Variants in KIAA1328 observed in about 807,000 individuals in gnomAD.
The protein encoded by KIAA1328 is KIAA1328.
A neutral mutation model predicts 68.1 loss-of-function variants in KIAA1328; 52 were observed. That is an observed-to-expected ratio of 0.76 (90% CI 0.61 to 0.96). The LOEUF (loss-of-function observed/expected upper bound fraction) is 0.96, where lower values mean the gene tolerates loss of function less well. KIAA1328 is among the 40% of genes least tolerant of loss of function. The pLI is 0.00. For synonymous variants in KIAA1328, 232 were observed against 239.4 expected (o/e 0.97, Z 0.28); for missense variants, 641 against 677.6 (o/e 0.95, Z 0.60).
chr18:37,105,520 AAG>A (rs1265383245), intron 7 of KIAA1328, among the ~76,000 whole-genome samples: 4 of 151,422 alleles, frequency 2.6e-5, no homozygotes, highest in Admixed American at 6.6e-5. Context: ...AAAAAAAAAA[AAG>A]AGCACTACTG....
intron 8 of KIAA1328, among the ~76,000 whole-genome samples, chr18:37,161,375 G>A (rs769851120): frequency 2.6e-5 from 4 of 152,146 alleles, no homozygotes; most frequent in Non-Finnish European, 5.9e-5. Flanking sequence ...GATTAATCTA[G>A]AAATTGTTTA....
chr18:37,197,683 C>T (rs2060029836), intron 9 of KIAA1328, among the ~76,000 whole-genome samples: 1 of 152,110 alleles, frequency 6.6e-6, no homozygotes, highest in African/African-American at 2.4e-5. Context: ...TCTAAAGAAG[C>T]TTAATGGCCC....
At chr18:37,102,165 T>A (rs988719582) in intron 7 of KIAA1328, among the ~76,000 whole-genome samples, 1 of 152,106 alleles carries the variant, frequency 6.6e-6, no homozygotes, top group Non-Finnish European at 1.5e-5. Flanking sequence ...CATGATCAAG[T>A]GGGGTTTATG....
chr18:37,104,559 G>T (rs1476568149), intron 7 of KIAA1328, among the ~76,000 whole-genome samples: 2 of 152,202 alleles, frequency 1.3e-5, no homozygotes, highest in Non-Finnish European at 2.9e-5. Flanking sequence ...ACACACAGAT[G>T]GAAGGAATAA....
At chr18:37,014,856 T>C (rs2054096636) in intron 6 of KIAA1328, among the ~76,000 whole-genome samples, 2 of 152,200 alleles carry the variant, frequency 1.3e-5, no homozygotes, top group African/African-American at 2.4e-5. Context: ...TATCAGATTC[T>C]TACAGTTTGA....
chr18:36,977,896 G>A (rs2151355929), intron 6 of KIAA1328, among the ~76,000 whole-genome samples: 1 of 152,038 alleles, frequency 6.6e-6, no homozygotes, highest in Non-Finnish European at 1.5e-5. Flanking sequence ...AGATTCTCAT[G>A]TCTCAGCCTT....
intron 7 of KIAA1328, among the ~76,000 whole-genome samples, chr18:37,079,332 G>A (rs2056864727): frequency 8.6e-6 from 1 of 115,624 alleles, no homozygotes; most frequent in Non-Finnish European, 1.7e-5. Context: ...GCCTGTTGTG[G>A]GGTGGGGGGA....
At chr18:37,084,199 A>G (rs1395849235) in intron 7 of KIAA1328, 2 of 1,526,758 alleles carry the variant, frequency 1.3e-6, no homozygotes, top group East Asian at 2.5e-5. Context: ...CAAGAACTCA[A>G]ACTGGATATG....
chr18:37,179,444 G>T (rs747266128), intron 9 of KIAA1328, among the ~76,000 whole-genome samples: 4 of 152,016 alleles, frequency 2.6e-5, no homozygotes, highest in Non-Finnish European at 4.4e-5. Context: ...TTAAAACCTT[G>T]CTTTGCTGTC....
At chr18:37,025,400 C>T (rs1411727356) in intron 6 of KIAA1328, among the ~76,000 whole-genome samples, 1 of 152,116 alleles carries the variant, frequency 6.6e-6, no homozygotes, top group Non-Finnish European at 1.5e-5. Context: ...AACTCTCCAC[C>T]CCAAATCAAC....
intron 6 of KIAA1328, among the ~76,000 whole-genome samples, chr18:37,066,350 AT>A (rs1390687704): frequency 6.6e-6 from 1 of 152,168 alleles, no homozygotes. Context: ...TTAGAATCCT[AT>A]TTTGTTGAAA....
intron 7 of KIAA1328, chr18:37,075,637 G>C (rs2056699420): frequency 6.6e-6 from 1 of 152,088 alleles, no homozygotes; most frequent in African/African-American, 2.4e-5. Context: ...GATGGAGGAA[G>C]ATCTACCAAG....
intron 6 of KIAA1328, among the ~76,000 whole-genome samples, chr18:36,994,827 T>C (rs567192919): frequency 6.6e-6 from 1 of 152,314 alleles, no homozygotes; most frequent in Non-Finnish European, 1.5e-5. Flanking sequence ...GCCTCTACTC[T>C]CATTTCTGGT....
chr18:37,224,575 C>T lies in KIAA1328; in HGVS notation c.*2348C>T, dbSNP rs1043927666. On this transcript the variant is annotated 3_prime_UTR_variant, in exon 10 of 10. Transcript: ENST00000280020. ...TTATTAATTGAATAGTACATGTTAA[C>T]ATTTTAATCTATTTAAATTTACTTT... 2 of 967,808 alleles carry T rather than the reference C, an allele frequency of 2.1e-6. No individual in the cohort carries two copies. Among genetic ancestry groups the T allele is most frequent in the African/African-American group, 1.8e-5 (1 of 56,874 alleles). 60.0% of individuals were successfully genotyped at this position (967,808 alleles called of 1,614,324 possible).
Position 36,831,295 on chromosome 18 carries a change from A to C in KIAA1328, c.58+2099A>C, listed in dbSNP as rs542491836. ...TGAGAGGACAGATCATCTGTGACTC[A>C]ATGGCACCTTTTTTTTTTATTGTTG... On this transcript the variant is annotated intron_variant, in intron 1 of 9. Transcript: ENST00000280020. 1.0e-3 allele frequency among the ~76,000 whole-genome samples: 155 copies of C among 152,286 alleles called. 1 individual carries two copies. In the Middle Eastern group the frequency reaches 0.014, roughly 13 times the overall value.
chr18:36,853,290 G>T (rs144324081), intron 4 of KIAA1328, among the ~76,000 whole-genome samples: 2 of 152,216 alleles, frequency 1.3e-5, no homozygotes, highest in East Asian at 3.9e-4. Context: ...TATTTGATGA[G>T]TATAACACAT....
At chr18:37,134,850 G>A (rs546485667) in intron 7 of KIAA1328, among the ~76,000 whole-genome samples, 1 of 152,066 alleles carries the variant, frequency 6.6e-6, no homozygotes, top group Non-Finnish European at 1.5e-5. Flanking sequence ...CCCTTGCCCT[G>A]TCCCTCACTC....
At chr18:37,133,991 C>G (rs973837705) in intron 7 of KIAA1328, among the ~76,000 whole-genome samples, 3 of 151,722 alleles carry the variant, frequency 2.0e-5, no homozygotes, top group Non-Finnish European at 4.4e-5. Flanking sequence ...AATTCTCAAG[C>G]ATTGTGATCT....
At chr18:36,962,124 A>G (rs1197722219) in intron 6 of KIAA1328, among the ~76,000 whole-genome samples, 1 of 152,218 alleles carries the variant, frequency 6.6e-6, no homozygotes, top group Non-Finnish European at 1.5e-5. Context: ...AGGAAGATCT[A>G]CCAAGCAAAT....
Sources: gnomAD v4.1 joint callset for allele counts (sites outside exome capture counted in the v4.1 genomes callset) on GRCh38, gnomAD v4.1.1 for gene constraint, MANE v1.5 for transcripts, NCBI Gene and HGNC (gene_info 2026-07-23, HGNC 2026-07-21) for gene names.